The following FARS2 variants were observed in gnomAD, a reference collection of about 807,000 sequenced individuals.
The protein encoded by FARS2 is phenylalanine--tRNA ligase, mitochondrial.
Under a neutral mutation model 46.4 loss-of-function variants are expected in FARS2, and 40 were observed. The observed-to-expected ratio is 0.86, with a 90% confidence interval of 0.67 to 1.12. The LOEUF (loss-of-function observed/expected upper bound fraction) is 1.12, where lower values mean the gene tolerates loss of function less well. Among genes scored for constraint, FARS2 ranks in the 50% most tolerant of loss-of-function variants. FARS2 has a pLI of 0.00. For missense variants in FARS2, 513 were observed against 567.9 expected, an observed-to-expected ratio of 0.90 and a Z score of 0.98; for synonymous variants, 234 against 214.9, an observed-to-expected ratio of 1.09 and a Z score of -0.78.
intron 6 of FARS2, among the ~76,000 whole-genome samples, chr6:5,753,408 G>A (rs752841219): frequency 1.3e-5 from 2 of 152,152 alleles, no homozygotes; most frequent in African/African-American, 2.4e-5. Flanking sequence ...AGATCCCTCT[G>A]CAGCTTTCTC....
chr6:5,481,801 G>C (rs1766477164), intron 4 of FARS2, among the ~76,000 whole-genome samples: 1 of 60,262 alleles, frequency 1.7e-5, no homozygotes, highest in African/African-American at 5.8e-5. Context: ...ATGGCAGGCT[G>C]TTAAAAAGAC....
At chr6:5,637,925 T>A (rs1230470013) in intron 6 of FARS2, among the ~76,000 whole-genome samples, 2 of 152,176 alleles carry the variant, frequency 1.3e-5, no homozygotes, top group East Asian at 3.8e-4. Flanking sequence ...ACAGCCACAT[T>A]TGAGATACTG....
chr6:5,675,870 A>C (rs1778740553), intron 6 of FARS2, among the ~76,000 whole-genome samples: 1 of 152,154 alleles, frequency 6.6e-6, no homozygotes, highest in South Asian at 2.1e-4. Flanking sequence ...CATAGCACAG[A>C]ATTTGTTTTC....
chr6:5,410,354 G>T (rs543718957), intron 3 of FARS2, among the ~76,000 whole-genome samples: 10 of 151,618 alleles, frequency 6.6e-5, no homozygotes, highest in African/African-American at 2.2e-4. Flanking sequence ...TAGAGACGGG[G>T]TTTCACCATG....
intron 6 of FARS2, among the ~76,000 whole-genome samples, chr6:5,704,065 C>A (rs1194814479): frequency 3.9e-5 from 6 of 152,166 alleles, no homozygotes; most frequent in Admixed American, 1.3e-4. Context: ...GGGTCAGATG[C>A]CAACGCTGGT....
chr6:5,468,302 C>G (rs552395090), intron 4 of FARS2, among the ~76,000 whole-genome samples: 32 of 148,908 alleles, frequency 2.1e-4, no homozygotes, highest in Middle Eastern at 3.4e-3. Flanking sequence ...AGGGTTAGCT[C>G]AAGATTTCAG....
intron 6 of FARS2, among the ~76,000 whole-genome samples, chr6:5,644,189 A>G (rs772865033): frequency 4.0e-5 from 6 of 151,354 alleles, no homozygotes; most frequent in Non-Finnish European, 8.8e-5. Context: ...GAGAGGTGCC[A>G]GTCATGTTTG....
chr6:5,544,456 A>G (rs1239526302), intron 4 of FARS2, among the ~76,000 whole-genome samples: 1 of 152,210 alleles, frequency 6.6e-6, no homozygotes, highest in East Asian at 1.9e-4. Context: ...GCTTTCCTGC[A>G]GTGTGAACTG....
intron 4 of FARS2, among the ~76,000 whole-genome samples, chr6:5,459,409 T>C (rs1290422720): frequency 6.6e-6 from 1 of 152,060 alleles, no homozygotes; most frequent in Non-Finnish European, 1.5e-5. Flanking sequence ...TACTGGGATG[T>C]CTTTTCGATT....
chr6:5,719,021 A>C (rs1759700137), intron 6 of FARS2, among the ~76,000 whole-genome samples: 1 of 152,186 alleles, frequency 6.6e-6, no homozygotes, highest in Non-Finnish European at 1.5e-5. Context: ...TTCGTATCAT[A>C]GTCAGGATCT....
intron 1 of FARS2, among the ~76,000 whole-genome samples, chr6:5,354,298 A>T (rs75983688): frequency 2.0e-5 from 3 of 152,126 alleles, no homozygotes; most frequent in Non-Finnish European, 2.9e-5. Context: ...CTCAGAGGGG[A>T]TGGAGGAGCT....
At chr6:5,461,173 G>T (rs1487929060) in intron 4 of FARS2, among the ~76,000 whole-genome samples, 1 of 151,944 alleles carries the variant, frequency 6.6e-6, no homozygotes, top group Non-Finnish European at 1.5e-5. Flanking sequence ...CGAGTAGCTG[G>T]TACTACCGGC....
chr6:5,703,791 C>T (rs914007267), intron 6 of FARS2, among the ~76,000 whole-genome samples: 28 of 152,290 alleles, frequency 1.8e-4, no homozygotes, highest in African/African-American at 6.3e-4. Context: ...CTGTTCAGTC[C>T]GTCCTGTATC....
intron 6 of FARS2, among the ~76,000 whole-genome samples, chr6:5,720,848 A>T (rs1759846651): frequency 6.6e-6 from 1 of 152,188 alleles, no homozygotes; most frequent in Non-Finnish European, 1.5e-5. Flanking sequence ...GGAGTTCAAG[A>T]CCAGCCTGGG....
chr6:5,592,335 G>A (rs1167452897), intron 5 of FARS2, among the ~76,000 whole-genome samples: 3 of 151,580 alleles, frequency 2.0e-5, no homozygotes, highest in Admixed American at 2.0e-4. Flanking sequence ...ACAGTGAGCC[G>A]TGATCACGCC....
chr6:5,317,235 G>A (rs1769587994), intron 1 of FARS2, among the ~76,000 whole-genome samples: 1 of 152,166 alleles, frequency 6.6e-6, no homozygotes, highest in Non-Finnish European at 1.5e-5. Context: ...GTTTACCTCA[G>A]TTCTTTCACA....
rs79908963 is a variant in FARS2, at chr6:5,620,137, C to T, written c.1217+6817C>T. On this transcript the variant is annotated intron_variant, in intron 6 of 6. Coordinates refer to ENST00000274680, the MANE Select transcript of FARS2 (RefSeq NM_006567.5). Reference sequence around the variant, plus strand: ...GTAACTCTTTGTCCTGTGCATTATACGATGTTTAGCAGAATCCCCGGCCTC... The same window carrying T: ...GTAACTCTTTGTCCTGTGCATTATATGATGTTTAGCAGAATCCCCGGCCTC... 8.3e-3 allele frequency among the ~76,000 whole-genome samples: 1,260 copies of T among 151,942 alleles called. 11 individuals are homozygous for T. The highest frequency in any genetic ancestry group is 0.014 in the Non-Finnish European group (946 of 68,000).
At chr6:5,428,400 A>G (rs1762968251) in intron 3 of FARS2, among the ~76,000 whole-genome samples, 2 of 152,346 alleles carry the variant, frequency 1.3e-5, no homozygotes, top group South Asian at 4.1e-4. Flanking sequence ...TTAATTACAT[A>G]AAATTAATTA....
At chr6:5,467,553 A>C (rs915284130) in intron 4 of FARS2, among the ~76,000 whole-genome samples, 1 of 151,910 alleles carries the variant, frequency 6.6e-6, no homozygotes, top group Non-Finnish European at 1.5e-5. Flanking sequence ...TCCTGTGTCA[A>C]CTCCTCAGAA....
Sources: gnomAD v4.1 joint callset for allele counts (sites outside exome capture counted in the v4.1 genomes callset) on GRCh38, gnomAD v4.1.1 for gene constraint, MANE v1.5 for transcripts, NCBI Gene and HGNC (gene_info 2026-07-23, HGNC 2026-07-21) for gene names.